WWOX: variants seen among roughly 807,000 people sequenced by gnomAD.
The protein encoded by WWOX is WW domain-containing oxidoreductase.
WWOX carries 69 observed loss-of-function variants against 46.2 expected under a neutral mutation model. That is an observed-to-expected ratio of 1.49 (90% confidence interval 1.23 to 1.82). The LOEUF is 1.82. WWOX is among the 40% of genes most tolerant of loss of function. The probability of loss-of-function intolerance (pLI) is 0.00; values close to 1 mark genes in which losing one functional copy is unlikely to be tolerated. For missense variants in WWOX, 919 were observed against 542.6 expected (o/e 1.69, Z -6.89); for synonymous variants, 359 against 202.6 (o/e 1.77, Z -6.56).
At chr16:78,791,690 C>T (rs1052005073) in intron 8 of WWOX, among the ~76,000 whole-genome samples, 3 of 151,988 alleles carry the variant, frequency 2.0e-5, no homozygotes, top group Non-Finnish European at 2.9e-5. Flanking sequence ...CCAGCCTGGC[C>T]AACATGATGA....
At chr16:78,694,687 A>G (rs2048062764) in intron 8 of WWOX, among the ~76,000 whole-genome samples, 1 of 152,212 alleles carries the variant, frequency 6.6e-6, no homozygotes, top group Non-Finnish European at 1.5e-5. Flanking sequence ...CCATGAAAAG[A>G]CAGAAGCATA....
intron 8 of WWOX, among the ~76,000 whole-genome samples, chr16:78,508,221 G>C (rs2085265768): frequency 6.6e-6 from 1 of 151,512 alleles, no homozygotes; most frequent in South Asian, 2.1e-4. Context: ...ATGTTGGCCG[G>C]GCTGGTCTTG....
At chr16:78,814,483 T>A (rs878994985) in intron 8 of WWOX, among the ~76,000 whole-genome samples, 17 of 151,772 alleles carry the variant, frequency 1.1e-4, no homozygotes, top group Admixed American at 5.9e-4. Flanking sequence ...AAAAAAAAAA[T>A]TAAGTGAACC....
At chr16:78,821,056 A>G (rs1227105796) in intron 8 of WWOX, among the ~76,000 whole-genome samples, 1 of 152,204 alleles carries the variant, frequency 6.6e-6, no homozygotes, top group Non-Finnish European at 1.5e-5. Context: ...CTGTTTCCAA[A>G]TAAAGTCACA....
chr16:78,754,867 C>G (rs2142465617), intron 8 of WWOX, among the ~76,000 whole-genome samples: 1 of 152,236 alleles, frequency 6.6e-6, no homozygotes, highest in African/African-American at 2.4e-5. Flanking sequence ...ATAACTTACT[C>G]ACAGTCTGTG....
intron 8 of WWOX, among the ~76,000 whole-genome samples, chr16:78,915,674 T>C (rs546917865): frequency 7.2e-6 from 1 of 138,276 alleles, no homozygotes; most frequent in Admixed American, 7.8e-5. Flanking sequence ...GGAAAGTGCT[T>C]GTCTATTCCT....
At chr16:78,236,679 G>A (rs1163493577) in intron 5 of WWOX, among the ~76,000 whole-genome samples, 5 of 152,150 alleles carry the variant, frequency 3.3e-5, no homozygotes, top group Admixed American at 2.0e-4. Context: ...ATATCAAAAA[G>A]CGTGACTAGA....
intron 8 of WWOX, among the ~76,000 whole-genome samples, chr16:78,657,886 G>T (rs971597344): frequency 3.9e-5 from 6 of 151,976 alleles, no homozygotes; most frequent in Non-Finnish European, 7.4e-5. Flanking sequence ...GCAGAGCCTG[G>T]CGGTGATTGT....
chr16:78,517,617 C>T lies in WWOX; in HGVS notation c.1056+84865C>T, dbSNP rs372888014. 2.2e-3 allele frequency among the ~76,000 whole-genome samples: 336 copies of T among 152,132 alleles called. 11 individuals are homozygous for T. The South Asian group carries it at 0.066, about 30-fold the overall frequency. On this transcript the variant is annotated intron_variant, in intron 8 of 8. Transcript: ENST00000566780. ...TGGAAACTGAAGTATCCCTCTGCGT[C>T]GCCACATCTGTCAAAAGTCCTCAGC...
At chr16:78,429,485 G>A (rs186650149) in intron 7 of WWOX, among the ~76,000 whole-genome samples, 1 of 152,276 alleles carries the variant, frequency 6.6e-6, no homozygotes, top group Admixed American at 6.5e-5. Flanking sequence ...CCCTGAACTG[G>A]GTTGGGCTAA....
intron 8 of WWOX, among the ~76,000 whole-genome samples, chr16:79,087,601 T>C (rs1247107568): frequency 1.3e-5 from 2 of 151,806 alleles, no homozygotes; most frequent in African/African-American, 4.8e-5. Flanking sequence ...CACTGGGGAG[T>C]TGACTTCATA....
chr16:78,732,317 C>T (rs116771347), intron 8 of WWOX, among the ~76,000 whole-genome samples: 5 of 152,084 alleles, frequency 3.3e-5, no homozygotes, highest in African/African-American at 4.8e-5. Flanking sequence ...CAAAATTTGG[C>T]CACCATGCCA....
intron 8 of WWOX, among the ~76,000 whole-genome samples, chr16:78,497,864 AAATT>A (rs200562690): frequency 3.1e-5 from 2 of 63,940 alleles, no homozygotes. Context: ...AATTATAAAA[AAATT>A]AAAAAAGCCC....
chr16:78,819,508 T>G (rs1430324058), intron 8 of WWOX, among the ~76,000 whole-genome samples: 2 of 152,198 alleles, frequency 1.3e-5, no homozygotes, highest in Non-Finnish European at 1.5e-5. Context: ...CCACTTAATT[T>G]GCATATAATT....
At chr16:78,900,672 C>T (rs765469892) in intron 8 of WWOX, among the ~76,000 whole-genome samples, 8 of 152,148 alleles carry the variant, frequency 5.3e-5, no homozygotes, top group Non-Finnish European at 1.2e-4. Context: ...TATTACTCAT[C>T]AGATCATATG....
chr16:78,911,948 T>C lies in WWOX; in HGVS notation c.1057-299660T>C, dbSNP rs1180745151. Reference sequence around the variant, plus strand: ...CAAGACTCATGGATGCTGCTTGTTATAAAGGAAGATAAATTATGAACAGGC... The same window carrying C: ...CAAGACTCATGGATGCTGCTTGTTACAAAGGAAGATAAATTATGAACAGGC... On this transcript the variant is annotated intron_variant, in intron 8 of 8. Coordinates refer to ENST00000566780, the MANE Select transcript of WWOX (RefSeq NM_016373.4). 2.0e-5 allele frequency among the ~76,000 whole-genome samples: 3 copies of C among 151,998 alleles called. 1 individual carries two copies. Among genetic ancestry groups the C allele is most frequent in the African/African-American group, 7.2e-5 (3 of 41,420 alleles).
intron 5 of WWOX, among the ~76,000 whole-genome samples, chr16:78,227,230 A>C (rs2037092108): frequency 6.6e-6 from 1 of 152,160 alleles, no homozygotes; most frequent in Non-Finnish European, 1.5e-5. Flanking sequence ...TGCGAATTGT[A>C]CGCTTTAAGG....
chr16:78,239,888 A>G (rs919987661), intron 5 of WWOX, among the ~76,000 whole-genome samples: 1 of 152,094 alleles, frequency 6.6e-6, no homozygotes, highest in Non-Finnish European at 1.5e-5. Flanking sequence ...ACTCACAGGG[A>G]ATGGGACCAG....
intron 6 of WWOX, among the ~76,000 whole-genome samples, chr16:78,421,120 G>GA (rs1283613098): frequency 4.6e-5 from 7 of 152,256 alleles, no homozygotes; most frequent in Admixed American, 2.6e-4. Context: ...TGAATATTAG[G>GA]AAATAATCTT....
Sources: allele counts gnomAD v4.1 joint callset (sites outside exome capture counted in the v4.1 genomes callset), GRCh38; gene constraint gnomAD v4.1.1; transcripts MANE v1.5; gene names NCBI Gene and HGNC (gene_info 2026-07-23, HGNC 2026-07-21).